Variants in FGF14 observed in about 807,000 individuals in gnomAD.
The protein encoded by FGF14 is fibroblast growth factor homologous factor 4.
In FGF14, 5 loss-of-function variants were observed where a neutral mutation model predicts 25.5. The observed-to-expected ratio is 0.20, with a 90% CI of 0.10 to 0.41. The LOEUF (loss-of-function observed/expected upper bound fraction) is 0.41, where lower values mean the gene tolerates loss of function less well. Among genes scored for constraint, FGF14 ranks in the 10% least tolerant of loss-of-function variants. The probability of loss-of-function intolerance (pLI) is 1.00; values close to 1 mark genes in which losing one functional copy is unlikely to be tolerated. For synonymous variants in FGF14, 138 were observed against 118.3 expected, an observed-to-expected ratio of 1.17 and a Z score of -1.08; for missense variants, 222 against 320.1, an observed-to-expected ratio of 0.69 and a Z score of 2.34.
At chr13:102,129,690 G>A (rs539828574) in intron 1 of FGF14, among the ~76,000 whole-genome samples, 3 of 152,046 alleles carry the variant, frequency 2.0e-5, no homozygotes, top group South Asian at 2.1e-4. Context: ...CCTATTGTGG[G>A]ATGGGGGTAG....
intron 1 of FGF14, among the ~76,000 whole-genome samples, chr13:102,238,154 G>A (rs1301232112): frequency 6.6e-6 from 1 of 152,090 alleles, no homozygotes; most frequent in African/African-American, 2.4e-5. Flanking sequence ...TATTGTAAAG[G>A]CTGCACTCAG....
chr13:102,094,209 T>C (rs1164985748), intron 1 of FGF14, among the ~76,000 whole-genome samples: 1 of 151,978 alleles, frequency 6.6e-6, no homozygotes, highest in Non-Finnish European at 1.5e-5. Context: ...AGAATTGCTA[T>C]AAGAAAGGCA....
In FGF14 at chr13:101,916,438, A is replaced by G. The variant is rs748526917; in HGVS notation, c.193+15T>C. On this transcript the variant is annotated intron_variant, in intron 1 of 4. Transcript: ENST00000376143. ...GCGACCCGGGGCGCATCTCCCGACC[A>G]TGACCCCCACAGACCTTGGCGCCGC... 1.1e-5 allele frequency: 18 copies of G among 1,613,734 alleles called. No homozygotes were observed. The highest frequency in any genetic ancestry group is 6.7e-5 in the African/African-American group (5 of 74,934).
At chr13:102,386,184 G>A (rs867971260) in intron 1 of FGF14, among the ~76,000 whole-genome samples, 1 of 148,492 alleles carries the variant, frequency 6.7e-6, no homozygotes, top group Admixed American at 6.8e-5. Flanking sequence ...CCAGGCTGGA[G>A]TGCAGTGGAG....
At chr13:102,088,633 T>C (rs1251692927) in intron 1 of FGF14, among the ~76,000 whole-genome samples, 1 of 152,116 alleles carries the variant, frequency 6.6e-6, no homozygotes, top group East Asian at 1.9e-4. Flanking sequence ...ACATATACAA[T>C]TGAAATATAC....
intron 1 of FGF14, among the ~76,000 whole-genome samples, chr13:102,064,660 C>T (rs1189986013): frequency 1.3e-5 from 2 of 151,986 alleles, no homozygotes; most frequent in African/African-American, 2.4e-5. Flanking sequence ...ATATAGTTGG[C>T]TCTTAATATT....
At chr13:101,737,689 C>T (rs2036278466) in intron 3 of FGF14, among the ~76,000 whole-genome samples, 2 of 152,014 alleles carry the variant, frequency 1.3e-5, no homozygotes, top group African/African-American at 4.8e-5. Flanking sequence ...CACATTTTTC[C>T]TACCCTTAAC....
chr13:102,264,117 G>A (rs2052860859), intron 1 of FGF14, among the ~76,000 whole-genome samples: 1 of 151,676 alleles, frequency 6.6e-6, no homozygotes, highest in South Asian at 2.1e-4. Context: ...AATTTTAGAT[G>A]GATTGAGATC....
intron 1 of FGF14, among the ~76,000 whole-genome samples, chr13:102,044,071 T>C (rs1229734774): frequency 1.3e-5 from 2 of 152,216 alleles, no homozygotes; most frequent in African/African-American, 2.4e-5. Context: ...TGGCCAGCCA[T>C]GCTAACTTGT....
At chr13:102,049,132 A>T (rs1331091591) in intron 1 of FGF14, among the ~76,000 whole-genome samples, 1 of 152,206 alleles carries the variant, frequency 6.6e-6, no homozygotes, top group Non-Finnish European at 1.5e-5. Context: ...TTAGGAAAAA[A>T]AATACAATCA....
intron 3 of FGF14, among the ~76,000 whole-genome samples, chr13:101,812,649 A>AT (rs1566931730): frequency 1.3e-3 from 11 of 8,448 alleles, no homozygotes; most frequent in Non-Finnish European, 2.2e-3. Flanking sequence ...ATATATATAT[A>AT]TATATTTTTT....
upstream of FGF14, among the ~76,000 whole-genome samples, chr13:101,917,570 T>C (rs540543494): frequency 2.5e-4 from 38 of 151,866 alleles, 1 homozygote; most frequent in East Asian, 7.5e-3. Context: ...TCAGCAGCGG[T>C]TGGAGGGCGA....
Position 102,090,795 on chromosome 13 carries a change from A to T in FGF14, c.209-215499T>A, listed in dbSNP as rs371980591. On this transcript the variant is annotated intron_variant, in intron 1 of 4. Coordinates refer to the FGF14 transcript ENST00000376131. ...AACGGCGAGATGCCTTCCTCAATGA[A>T]GTCAGAATCTAACAGCGATGAGATC... Among the ~76,000 whole-genome samples the T allele has an allele frequency of 3.3e-5, 5 of 152,240 alleles. No individual in the cohort carries two copies. The South Asian group carries it at 6.2e-4, about 19-fold the overall frequency.
intron 3 of FGF14, among the ~76,000 whole-genome samples, chr13:101,808,312 A>ATCTTT (rs1318085537): frequency 6.6e-6 from 1 of 151,870 alleles, no homozygotes; most frequent in Non-Finnish European, 1.5e-5. Flanking sequence ...TATCCTTTTC[A>ATCTTT]TCTTTTCTTT....
chr13:102,221,225 A>T (rs2050596748), intron 1 of FGF14, among the ~76,000 whole-genome samples: 1 of 152,200 alleles, frequency 6.6e-6, no homozygotes, highest in African/African-American at 2.4e-5. Flanking sequence ...GACAACTCTT[A>T]TCAAAAGAGA....
At chr13:101,731,567 G>A (rs1201058131) in intron 3 of FGF14, among the ~76,000 whole-genome samples, 5 of 152,184 alleles carry the variant, frequency 3.3e-5, no homozygotes, top group Non-Finnish European at 5.9e-5. Context: ...CTTAACAGTA[G>A]CAGCAGAATT....
intron 1 of FGF14, among the ~76,000 whole-genome samples, chr13:101,987,058 G>T (rs1385012072): frequency 1.3e-5 from 2 of 152,012 alleles, no homozygotes; most frequent in African/African-American, 4.8e-5. Context: ...TCCATGCCAT[G>T]ATTGGACTCT....
chr13:102,122,637 T>C (rs2045778742), intron 1 of FGF14, among the ~76,000 whole-genome samples: 1 of 152,192 alleles, frequency 6.6e-6, no homozygotes, highest in Non-Finnish European at 1.5e-5. Context: ...TATAAGCATT[T>C]TGATTTTAAT....
At chr13:102,286,908 T>G (rs2054126610) in intron 1 of FGF14, among the ~76,000 whole-genome samples, 1 of 151,746 alleles carries the variant, frequency 6.6e-6, no homozygotes, top group Non-Finnish European at 1.5e-5. Flanking sequence ...ATACATTGCA[T>G]CCCTGGTCAT....
Sources: allele counts gnomAD v4.1 joint callset (sites outside exome capture counted in the v4.1 genomes callset), GRCh38; gene constraint gnomAD v4.1.1; transcripts MANE v1.5; gene names NCBI Gene and HGNC (gene_info 2026-07-23, HGNC 2026-07-21).